NKAIN2: variants seen among roughly 807,000 people sequenced by gnomAD.
NKAIN2 encodes the protein sodium/potassium transporting ATPase interacting 2.
In NKAIN2, 14 loss-of-function variants were observed where a neutral mutation model predicts 32.6. The observed-to-expected ratio is 0.43, with a 90% CI of 0.28 to 0.67. The LOEUF is 0.67. NKAIN2 is among the 30% of genes least tolerant of loss of function. NKAIN2 has a pLI of 0.17. For synonymous variants in NKAIN2, 80 were observed against 87.2 expected (o/e 0.92, Z 0.46); for missense variants, 198 against 258.3 (o/e 0.77, Z 1.60).
At chr6:124,525,897 G>T (rs951028462) in intron 3 of NKAIN2, among the ~76,000 whole-genome samples, 2 of 151,980 alleles carry the variant, frequency 1.3e-5, no homozygotes, top group Non-Finnish European at 2.9e-5. Flanking sequence ...ACAGAAAATG[G>T]CCTTAAGAAA....
intron 1 of NKAIN2, among the ~76,000 whole-genome samples, chr6:124,267,080 G>T (rs1238494032): frequency 1.3e-5 from 2 of 151,618 alleles, no homozygotes; most frequent in Non-Finnish European, 2.9e-5. Context: ...AGGAAGCTTT[G>T]CCAACAAACT....
At chr6:124,720,115 A>G (rs1254460015) in intron 4 of NKAIN2, among the ~76,000 whole-genome samples, 1 of 152,208 alleles carries the variant, frequency 6.6e-6, no homozygotes, top group East Asian at 1.9e-4. Flanking sequence ...ATAAAATGGC[A>G]TAATTTTAGC....
At chr6:124,638,296 A>G (rs924415573) in intron 3 of NKAIN2, among the ~76,000 whole-genome samples, 3 of 152,232 alleles carry the variant, frequency 2.0e-5, no homozygotes, top group Non-Finnish European at 4.4e-5. Flanking sequence ...GTAACACCTG[A>G]AACTATAAAA....
At chr6:124,169,870 C>A (rs1771655134) in intron 1 of NKAIN2, among the ~76,000 whole-genome samples, 2 of 152,094 alleles carry the variant, frequency 1.3e-5, no homozygotes, top group Non-Finnish European at 2.9e-5. Context: ...GAGAAAGAGC[C>A]TCTTTGGTCC....
intron 1 of NKAIN2, among the ~76,000 whole-genome samples, chr6:124,157,128 A>AAAAG (rs1788027017): frequency 1.9e-4 from 27 of 144,902 alleles, no homozygotes; most frequent in East Asian, 4.2e-4. Context: ...AAAAAAAAAA[A>AAAAG]GGTGACCTAA....
chr6:124,574,158 C>A (rs1035404523), intron 3 of NKAIN2, among the ~76,000 whole-genome samples: 1 of 152,168 alleles, frequency 6.6e-6, no homozygotes, highest in South Asian at 2.1e-4. Flanking sequence ...TGTTTTCTAT[C>A]TGGAGAGCCC....
chr6:123,807,972 G>A (rs966123376), intron 1 of NKAIN2, among the ~76,000 whole-genome samples: 1 of 151,990 alleles, frequency 6.6e-6, no homozygotes, highest in African/African-American at 2.4e-5. Context: ...TTCTATCACA[G>A]GATTGCTAAC....
intron 1 of NKAIN2, among the ~76,000 whole-genome samples, chr6:123,947,248 T>A (rs193169067): frequency 0.01 from 1,534 of 152,330 alleles, 18 homozygotes; most frequent in Middle Eastern, 0.017. Flanking sequence ...TATCAAAGTT[T>A]ACACAATACT....
chr6:123,980,516 G>T (rs1778840049), intron 1 of NKAIN2, among the ~76,000 whole-genome samples: 1 of 152,098 alleles, frequency 6.6e-6, no homozygotes, highest in South Asian at 2.1e-4. Flanking sequence ...TGATTTACTG[G>T]TATCACTGCT....
intron 4 of NKAIN2, among the ~76,000 whole-genome samples, chr6:124,782,052 C>T (rs747407673): frequency 6.6e-6 from 1 of 152,224 alleles, no homozygotes; most frequent in East Asian, 1.9e-4. Flanking sequence ...ACATAAAATA[C>T]CTTTTCATAA....
intron 3 of NKAIN2, among the ~76,000 whole-genome samples, chr6:124,479,746 G>C (rs1777370812): frequency 6.6e-6 from 1 of 151,128 alleles, no homozygotes; most frequent in Non-Finnish European, 1.5e-5. Context: ...TACAACTTGG[G>C]AGCTTATGGA....
intron 1 of NKAIN2, among the ~76,000 whole-genome samples, chr6:123,951,289 C>T (rs1777313960): frequency 1.3e-5 from 2 of 151,910 alleles, no homozygotes; most frequent in African/African-American, 4.8e-5. Context: ...GTCTGATGTA[C>T]AGTTTAAATT....
At chr6:124,714,409 G>C (rs1217058912) in intron 4 of NKAIN2, among the ~76,000 whole-genome samples, 3 of 152,158 alleles carry the variant, frequency 2.0e-5, no homozygotes, top group African/African-American at 2.4e-5. Context: ...TAAATGTGAT[G>C]GCAATTAATT....
intron 3 of NKAIN2, among the ~76,000 whole-genome samples, chr6:124,501,988 C>G (rs911549897): frequency 3.9e-5 from 6 of 151,994 alleles, no homozygotes; most frequent in African/African-American, 1.5e-4. Flanking sequence ...TGCCTGTAGT[C>G]CCAGCTACGG....
intron 4 of NKAIN2, among the ~76,000 whole-genome samples, chr6:124,672,727 T>A (rs2114478887): frequency 6.6e-6 from 1 of 152,122 alleles, no homozygotes; most frequent in South Asian, 2.1e-4. Flanking sequence ...TAAATAAAGT[T>A]AAAAAATGGC....
At chr6:123,924,435 C>T (rs537385485) in intron 1 of NKAIN2, among the ~76,000 whole-genome samples, 3 of 152,294 alleles carry the variant, frequency 2.0e-5, no homozygotes, top group South Asian at 4.1e-4. Flanking sequence ...TCATCTGTAA[C>T]AAAGAAAGAA....
chr6:124,651,251 C>G (rs774811332), intron 3 of NKAIN2, among the ~76,000 whole-genome samples: 68 of 152,208 alleles, frequency 4.5e-4, no homozygotes, highest in Non-Finnish European at 9.4e-4. Flanking sequence ...TATAGCAGCT[C>G]TCACAGGATA....
At chr6:124,722,278 T>G (rs1776060595) in intron 4 of NKAIN2, among the ~76,000 whole-genome samples, 2 of 152,238 alleles carry the variant, frequency 1.3e-5, no homozygotes, top group African/African-American at 4.8e-5. Flanking sequence ...TCTATGAACA[T>G]GGGTTCAAAA....
intron 1 of NKAIN2, among the ~76,000 whole-genome samples, chr6:123,934,199 C>A (rs989037718): frequency 6.6e-6 from 1 of 152,154 alleles, no homozygotes; most frequent in Admixed American, 6.5e-5. Flanking sequence ...AATTCCTTAA[C>A]TACTTGCTTA....
Sources: gnomAD v4.1 joint callset for allele counts (sites outside exome capture counted in the v4.1 genomes callset) on GRCh38, gnomAD v4.1.1 for gene constraint, MANE v1.5 for transcripts, NCBI Gene and HGNC (gene_info 2026-07-23, HGNC 2026-07-21) for gene names.